MEAK7: variants seen among roughly 807,000 people sequenced by gnomAD.
MEAK7 encodes MTOR associated protein MEAK7.
A neutral mutation model predicts 40.5 loss-of-function variants in MEAK7; 68 were observed. That is an observed-to-expected ratio of 1.68 (90% confidence interval 1.38 to 2.06). MEAK7 has a LOEUF of 2.06. Among genes scored for constraint, MEAK7 ranks in the 30% most tolerant of loss-of-function variants. MEAK7 has a pLI of 0.00. For missense variants in MEAK7, 918 were observed against 580.5 expected, an observed-to-expected ratio of 1.58 and a Z score of -5.98; for synonymous variants, 338 against 231.9, an observed-to-expected ratio of 1.46 and a Z score of -4.16.
At chr16:84,490,556 T>C (rs1913496152) in intron 3 of MEAK7, among the ~76,000 whole-genome samples, 1 of 150,372 alleles carries the variant, frequency 6.7e-6, no homozygotes, top group Non-Finnish European at 1.5e-5. Context: ...GAAATACCAG[T>C]CATTTTTGTC....
chr16:84,485,609 C>G (rs943809038), intron 5 of MEAK7, among the ~76,000 whole-genome samples: 1 of 152,156 alleles, frequency 6.6e-6, no homozygotes, highest in African/African-American at 2.4e-5. Flanking sequence ...ATGGGCGACG[C>G]ATCTGTAAAC....
Position 84,495,784 on chromosome 16 carries a change from T to C in MEAK7, c.283A>G (p.Met95Val), listed in dbSNP as rs957975213. ...NVSQEQFTAS[M>V]SHLLKGNSEE... ...GAGTTTCCTTTCAACAGGTGGGACA[T>C]GGATGCTGTGAACTGCTCCTGGGAC... Residue 95 changes from methionine (M) to valine (V), a missense_variant, in exon 3 of 8, where the codon ATG (methionine) becomes GTG (valine). By Grantham distance (21) the Met-to-Val change is conservative. Transcript: ENST00000343629. The C allele has an allele frequency of 3.7e-6, 6 of 1,614,002 alleles. No homozygotes were observed. In the African/African-American group the frequency reaches 4.0e-5, roughly 11 times the overall value.
At chr16:84,498,394 G>C (rs8047700) in intron 1 of MEAK7, among the ~76,000 whole-genome samples, 10,068 of 151,838 alleles carry the variant, frequency 0.066, 1,092 homozygotes, top group African/African-American at 0.23. Context: ...TCAGCCTCCT[G>C]AGTAGCTGGG....
chr16:84,480,469 T>G, intron 7 of MEAK7, 60 bp downstream of exon 7: 1 of 1,509,330 alleles, frequency 6.6e-7, no homozygotes, highest in Non-Finnish European at 8.9e-7. Context: ...GGTAAGAAAA[T>G]GCAGAAAGGC....
Position 84,486,950 on chromosome 16 carries a change from G to A in MEAK7, c.639C>T (p.Val213=). ...ACAGGATGAGAAAGCCCTTGCAAATGACCACACTCAGGAATATGGCCACAT... is the reference window on the plus strand; with the variant it reads ...ACAGGATGAGAAAGCCCTTGCAAATAACCACACTCAGGAATATGGCCACAT... The part of the protein sequence containing the change: ...VPHVAIFLSV[V]ICKGFLILCS... The change falls in exon 5 of 8, where the codon GTC becomes GTT. Residue 213 remains valine (V), a synonymous_variant. Coordinates refer to ENST00000343629, the MANE Select transcript of MEAK7 (RefSeq NM_020947.4). The A allele has an allele frequency of 1.2e-6, 2 of 1,614,152 alleles. No individual in the cohort carries two copies. The highest frequency in any genetic ancestry group is 1.7e-6 in the Non-Finnish European group (2 of 1,180,034).
At chr16:84,498,263 GTTTTGT>G (rs1318671301) in intron 1 of MEAK7, among the ~76,000 whole-genome samples, 152 bp from the exon 2 acceptor site, 2 of 152,232 alleles carry the variant, frequency 1.3e-5, no homozygotes, top group East Asian at 3.9e-4. Flanking sequence ...TGGGTTTTGG[GTTTTGT>G]TTTTGTTTTG....
In MEAK7 at chr16:84,482,685, G is replaced by A. The variant is rs1912678603; in HGVS notation, c.984C>T (p.Ser328=). 1 of 1,614,206 alleles carries A rather than the reference G, an allele frequency of 6.2e-7. No homozygotes were observed. The highest frequency in any genetic ancestry group is 8.5e-7 in the Non-Finnish European group (1 of 1,180,030). The stretch of plus-strand genomic sequence containing the variant: ...TGTACACAGCCATGCTGGGGCAGAT[G>A]GAGAACAGGAAGCATCTGTTGTCCC... ...FQGDNRCFLF[S]ICPSMAVYTH... Residue 328 remains serine, a synonymous_variant, in exon 6 of 8, where the codon TCC becomes TCT. Transcript: ENST00000343629.
chr16:84,493,325 G>T (rs1391135812), intron 3 of MEAK7, among the ~76,000 whole-genome samples: 1 of 152,144 alleles, frequency 6.6e-6, no homozygotes, highest in East Asian at 1.9e-4. Flanking sequence ...ATAGAACTCT[G>T]AAGAGTACTC....
At chr16:84,493,548 G>A (rs1483610914) in intron 3 of MEAK7, among the ~76,000 whole-genome samples, 2 of 152,098 alleles carry the variant, frequency 1.3e-5, no homozygotes, top group Non-Finnish European at 2.9e-5. Flanking sequence ...CCAGAGTCAA[G>A]AAAACTTTCT....
At chr16:84,497,555 A>AG (rs1219987262) in intron 2 of MEAK7, 11 of 1,294,998 alleles carry the variant, frequency 8.5e-6, no homozygotes, top group Non-Finnish European at 1.0e-5. Context: ...GAGACACACG[A>AG]GGCAGGCTAT....
At chr16:84,503,898 C>G (rs1490501510) in intron 1 of MEAK7, 1 of 982,248 alleles carries the variant, frequency 1.0e-6, no homozygotes, top group African/African-American at 1.7e-5. Flanking sequence ...GGCTGCCAAG[C>G]TCCAACTCTC....
intron 3 of MEAK7, among the ~76,000 whole-genome samples, chr16:84,490,398 G>A (rs375486263): frequency 1.1e-4 from 16 of 146,956 alleles, no homozygotes; most frequent in African/African-American, 3.8e-4. Flanking sequence ...AAAGACCCAG[G>A]GCAGCGGCCC....
chr16:84,481,468 G>A (rs973352447), intron 6 of MEAK7, among the ~76,000 whole-genome samples: 6 of 152,184 alleles, frequency 3.9e-5, no homozygotes, highest in Admixed American at 6.5e-5. Flanking sequence ...CACTCCTGCC[G>A]CCACCAGACC....
intron 3 of MEAK7, among the ~76,000 whole-genome samples, chr16:84,493,729 CTTTTA>C (rs1463882761): frequency 1.3e-5 from 2 of 152,126 alleles, no homozygotes; most frequent in Non-Finnish European, 2.9e-5. Context: ...AATCTGTTTT[CTTTTA>C]TAACAGGACA....
chr16:84,486,340 C>T, intron 5 of MEAK7: 16 of 771,338 alleles, frequency 2.1e-5, no homozygotes, highest in Non-Finnish European at 2.6e-5. Flanking sequence ...TCCTGGTCCC[C>T]TCGGAGGCAT....
At chr16:84,485,845 C>T (rs1011370470) in intron 5 of MEAK7, among the ~76,000 whole-genome samples, 4 of 152,232 alleles carry the variant, frequency 2.6e-5, no homozygotes, top group African/African-American at 9.6e-5. Context: ...CCACACCCAT[C>T]TAATTTGTGT....
At chr16:84,481,370 C>A (rs1472024453) in intron 6 of MEAK7, among the ~76,000 whole-genome samples, 5 of 152,214 alleles carry the variant, frequency 3.3e-5, no homozygotes, top group African/African-American at 1.2e-4. Context: ...GCACACTGCC[C>A]AGAGTTGACA....
At position 84,486,677 on chromosome 16, in the gene MEAK7, G is replaced by A. The variant is rs145452661; in HGVS notation, c.912C>T (p.Phe304=). 1.3e-4 allele frequency: 212 copies of A among 1,613,744 alleles called. 1 individual carries two copies. Among genetic ancestry groups the A allele is most frequent in the South Asian group, 2.1e-4 (19 of 91,052 alleles). The change falls in exon 5 of 8, where the codon TTC becomes TTT. Residue 304 remains phenylalanine, a synonymous_variant. Transcript: ENST00000343629. ...AVLEDHDKHV[F]GGFASCSWEV... is the part of the protein sequence containing the mutation. ...CCCAAGAGCAAGAGGCAAACCCACC[G>A]AACACATGCTTGTCATGGTCCTCGA...
At position 84,487,034 on chromosome 16, in the gene MEAK7, C is replaced by A. The variant is rs748848889; in HGVS notation, c.555G>T (p.Gln185His). 6.2e-6 allele frequency: 10 copies of A among 1,613,032 alleles called. No individual in the cohort carries two copies. The highest frequency in any genetic ancestry group is 1.7e-5 in the Admixed American group (1 of 59,892). ...LQDGKRLLGP[Q>H]WLDYDCDRAV... ...CTCGGTCACAGTCATAGTCCAGCCA[C>A]TGGGGCCCCAGAAGTCTCTTGCCAT... Residue 185 changes from glutamine to histidine, a missense_variant, in exon 5 of 8, where the codon CAG becomes CAT. Transcript: ENST00000343629.
Sources: gnomAD v4.1 joint callset for allele counts (sites outside exome capture counted in the v4.1 genomes callset) on GRCh38, gnomAD v4.1.1 for gene constraint, MANE v1.5 for transcripts, NCBI Gene and HGNC (gene_info 2026-07-23, HGNC 2026-07-21) for gene names.